Variants in ZNF185 observed in about 807,000 individuals in gnomAD.
The protein encoded by ZNF185 is zinc finger protein 185 with LIM domain.
In ZNF185, 56 loss-of-function variants were observed where a neutral mutation model predicts 58.6. The ratio of observed to expected loss-of-function variants is 0.95; its 90% CI spans 0.77 to 1.19. ZNF185 has a LOEUF of 1.19. ZNF185 is among the 50% of genes most tolerant of loss of function. The probability of loss-of-function intolerance (pLI) is 0.00; values close to 1 mark genes in which losing one functional copy is unlikely to be tolerated. For synonymous variants in ZNF185, 230 were observed against 215.9 expected (o/e 1.07, Z -0.57); for missense variants, 627 against 573.5 (o/e 1.09, Z -0.95).
intron 18 of ZNF185, among the ~76,000 whole-genome samples, chrX:152,964,409 C>T (rs932435308): frequency 1.8e-5 from 2 of 112,455 alleles, no homozygotes; most frequent in African/African-American, 6.5e-5. Flanking sequence ...GCAAAGGCCT[C>T]GGGAAGCTTA....
the ZNF185 span, among the ~76,000 whole-genome samples, chrX:152,906,214 A>C: frequency 8.9e-6 from 1 of 112,509 alleles, no homozygotes. Flanking sequence ...AGGGATCAGC[A>C]CTGCCTGGGT....
chrX:152,899,656 A>C, the ZNF185 span, among the ~76,000 whole-genome samples: 1 of 112,469 alleles, frequency 8.9e-6, no homozygotes, highest in East Asian at 2.8e-4. Flanking sequence ...CAAGCAACAG[A>C]GGTGGCCCAG....
chrX:152,909,144 C>A, the ZNF185 span, among the ~76,000 whole-genome samples: 1 of 112,611 alleles, frequency 8.9e-6, no homozygotes, highest in African/African-American at 3.2e-5. Context: ...TTCACATCCG[C>A]TAATGACTGC....
At chrX:152,922,905 T>C in intron 11 of ZNF185, 96 bp downstream of exon 12, 1 of 752,085 alleles carries the variant, frequency 1.3e-6, no homozygotes, top group South Asian at 2.6e-5. Context: ...GGTCTGGCAG[T>C]GGGGTGATGG....
rs782342405 is a variant in ZNF185 at position 152,917,099 on chromosome X, C to G, written c.225-32C>G. ...ATGACCTCAGCCCTCCAGCAAGCCTCGCTTCACTCCACCCCTTCTTCTCTT... is the reference window on the plus strand; with the variant it reads ...ATGACCTCAGCCCTCCAGCAAGCCTGGCTTCACTCCACCCCTTCTTCTCTT... On this transcript the variant is annotated intron_variant, in intron 3 of 22. Coordinates refer to ENST00000449285, the Ensembl canonical transcript of ZNF185. 4.1e-6 allele frequency: 5 copies of G among 1,209,767 alleles called. No individual in the cohort carries two copies. In the African/African-American group the frequency reaches 8.7e-5, roughly 21 times the overall value.
chrX:152,917,510 G>GCTCTC, intron 5 of ZNF185, 148 bp downstream of exon 6: 2 of 700,162 alleles, frequency 2.9e-6, no homozygotes, highest in Non-Finnish European at 4.3e-6. Flanking sequence ...ACCCTGGAGA[G>GCTCTC]CAGGGTGGGG....
At chrX:152,954,969 AG>A (rs782234164) in intron 16 of ZNF185, among the ~76,000 whole-genome samples, 1 of 110,496 alleles carries the variant, frequency 9.1e-6, no homozygotes, top group Non-Finnish European at 1.9e-5. Context: ...AAAAAGGTGG[AG>A]GGGGGGAAAT....
the ZNF185 span, among the ~76,000 whole-genome samples, chrX:152,899,156 A>G: frequency 8.9e-6 from 1 of 112,095 alleles, no homozygotes; most frequent in Non-Finnish European, 1.9e-5. Flanking sequence ...GTGAGCCCCG[A>G]GAGAGGGCCT....
At chrX:152,899,734 G>A in the ZNF185 span, among the ~76,000 whole-genome samples, 2 of 111,960 alleles carry the variant, frequency 1.8e-5, no homozygotes, top group African/African-American at 3.3e-5. Context: ...CTGGAGCAGC[G>A]AGGCACCCCT....
exon 16 of ZNF185, chrX:152,945,354 A>C (rs1556893868): frequency 1.7e-6 from 2 of 1,207,485 alleles, no homozygotes; most frequent in Non-Finnish European, 2.2e-6. Context: ...GAGGTGGCCA[A>C]GGAGACCCAG....
chrX:152,931,758 C>G, exon 13 of ZNF185: 1 of 1,208,274 alleles, frequency 8.3e-7, no homozygotes. Flanking sequence ...TTCAGGGCCC[C>G]CAACACAGAT....
chrX:152,954,482 T>C (rs1222532245), intron 16 of ZNF185, among the ~76,000 whole-genome samples: 1 of 112,196 alleles, frequency 8.9e-6, no homozygotes, highest in Admixed American at 9.4e-5. Context: ...GGCTTAAGAC[T>C]CTTGAGAAAC....
chrX:152,947,147 G>A (rs925977309), intron 16 of ZNF185, among the ~76,000 whole-genome samples: 1 of 112,000 alleles, frequency 8.9e-6, no homozygotes, highest in Non-Finnish European at 1.9e-5. Context: ...TTGGGAGGCC[G>A]AGGTGGCAGT....
chrX:152,955,142 C>T (rs2048695636), intron 16 of ZNF185, among the ~76,000 whole-genome samples: 1 of 111,787 alleles, frequency 8.9e-6, no homozygotes, highest in Non-Finnish European at 1.9e-5. Context: ...GTACACACTC[C>T]TAAGTTAGGT....
chrX:152,905,715 G>T, the ZNF185 span, among the ~76,000 whole-genome samples: 6 of 106,238 alleles, frequency 5.6e-5, no homozygotes, highest in Admixed American at 5.8e-4. Flanking sequence ...GACAGGCTTG[G>T]GGGGGGGGCG....
chrX:152,914,564 G>A, intron 1 of ZNF185, 41 bp downstream of exon 2: 1 of 1,155,807 alleles, frequency 8.7e-7, no homozygotes, highest in Non-Finnish European at 1.2e-6. Context: ...TCTGTTTGGG[G>A]CTGTTTGCTT....
chrX:152,903,641 C>G, the ZNF185 span, among the ~76,000 whole-genome samples: 1 of 111,158 alleles, frequency 9.0e-6, no homozygotes, highest in African/African-American at 3.3e-5. Flanking sequence ...CAGGGCCCTA[C>G]AAGAGGGTCC....
the ZNF185 span, among the ~76,000 whole-genome samples, chrX:152,902,412 G>A: frequency 3.0e-4 from 34 of 113,285 alleles, no homozygotes; most frequent in East Asian, 9.4e-3. Context: ...TATGGAGAGA[G>A]CAAGCACAAG....
chrX:152,917,375 G>T lies in ZNF185; in HGVS notation c.341+13G>T. Reference sequence around the variant, plus strand: ...GGACTCCAAAAAGGTATGTCCATGGGGTGTTGGCCAGTCGGCCAGTGGGGA... The same window carrying T: ...GGACTCCAAAAAGGTATGTCCATGGTGTGTTGGCCAGTCGGCCAGTGGGGA... On this transcript the variant is annotated intron_variant, in intron 5 of 22. Transcript: ENST00000449285. 1.7e-6 allele frequency: 2 copies of T among 1,210,747 alleles called. No individual in the cohort carries two copies. Among genetic ancestry groups the T allele is most frequent in the Non-Finnish European group, 2.2e-6 (2 of 894,661 alleles).
Sources: allele counts gnomAD v4.1 joint callset (sites outside exome capture counted in the v4.1 genomes callset), GRCh38; gene constraint gnomAD v4.1.1; transcripts MANE v1.5; gene names NCBI Gene and HGNC (gene_info 2026-07-23, HGNC 2026-07-21).